Variants in TRABD observed in about 807,000 individuals in gnomAD.
TRABD encodes the protein traB domain-containing protein.
In TRABD, 23 loss-of-function variants were observed where a neutral mutation model predicts 39.6. The ratio of observed to expected loss-of-function variants is 0.58; its 90% CI spans 0.42 to 0.82. The LOEUF (loss-of-function observed/expected upper bound fraction) is 0.82, where lower values mean the gene tolerates loss of function less well. Among genes scored for constraint, TRABD ranks in the 40% least tolerant of loss-of-function variants. TRABD has a pLI of 0.00. For missense variants in TRABD, 487 were observed against 544.9 expected (o/e 0.89, Z 1.06); for synonymous variants, 243 against 232.1 (o/e 1.05, Z -0.43).
Position 50,198,559 on chromosome 22 carries a change from T to C in TRABD, c.*40T>C. 5 of 1,467,694 alleles carry C rather than the reference T, an allele frequency of 3.4e-6. No individual in the cohort carries two copies. The highest frequency in any genetic ancestry group is 4.5e-6 in the Non-Finnish European group (5 of 1,113,086). 90.9% of individuals were successfully genotyped at this position (1,467,694 alleles called of 1,614,324 possible). Reference sequence around the variant, plus strand: ...CCCGCTCGGGCCCCTGAGGAGCCAGTGCCCCCGCGGCACTTCTGGGTGCCA... The same window carrying C: ...CCCGCTCGGGCCCCTGAGGAGCCAGCGCCCCCGCGGCACTTCTGGGTGCCA... On this transcript the variant is annotated 3_prime_UTR_variant, in exon 10 of 10. Coordinates refer to ENST00000380909, the MANE Select transcript of TRABD (RefSeq NM_001320485.2). The surrounding 1 kb of genome is among the most constrained non-coding windows in gnomAD (Gnocchi z 7.9).
intron 1 of TRABD, among the ~76,000 whole-genome samples, chr22:50,191,027 G>T (rs944643869): frequency 6.6e-6 from 1 of 152,222 alleles, no homozygotes; most frequent in Non-Finnish European, 1.5e-5. Flanking sequence ...CCTGTGGAGC[G>T]GGCCCCCCTT....
In TRABD at chr22:50,198,928, G is replaced by A. The variant is rs1230598142; in HGVS notation, c.*409G>A. 9 of 588,680 alleles carry A rather than the reference G, an allele frequency of 1.5e-5. No homozygotes were observed. The highest frequency in any genetic ancestry group is 6.1e-5 in the South Asian group (3 of 49,212). The allele number at this position is 588,680 out of a possible 1,614,324, so 36.5% of individuals were successfully genotyped here. On this transcript the variant is annotated 3_prime_UTR_variant, in exon 10 of 10. Transcript: ENST00000380909. This position sits in a 1 kb window ranked among gnomAD's most constrained non-coding sequence, Gnocchi z 7.9. ...GCCACAGGAGCGTCGGCCCAGGGGC[G>A]GCTCCTGGGGGCTCCAGGGCAGGCG...
At chr22:50,195,811 G>A (rs1000732757) in intron 5 of TRABD, among the ~76,000 whole-genome samples, 2 of 151,922 alleles carry the variant, frequency 1.3e-5, no homozygotes, top group African/African-American at 4.8e-5. Flanking sequence ...CCCCAGCCCT[G>A]GTCAGTTTGC....
At chr22:50,194,795 G>C in intron 4 of TRABD, 105 bp from the exon 5 acceptor site, 1 of 1,504,970 alleles carries the variant, frequency 6.6e-7, no homozygotes, top group Non-Finnish European at 8.9e-7. Context: ...CTGGGGTGAC[G>C]CCAAGGCTGG....
chr22:50,193,767 C>T (rs2063993135), intron 3 of TRABD, 113 bp downstream of exon 3: 1 of 1,064,784 alleles, frequency 9.4e-7, no homozygotes, highest in African/African-American at 1.6e-5. Context: ...TGAGCAGGGG[C>T]CCTGGCCGAG....
intron 5 of TRABD, among the ~76,000 whole-genome samples, chr22:50,196,578 C>G (rs2064115973): frequency 6.6e-6 from 1 of 152,228 alleles, no homozygotes; most frequent in Non-Finnish European, 1.5e-5. Flanking sequence ...CAGTGCTGTG[C>G]TGACCTCAGC....
rs137944013 is a variant in TRABD at position 50,188,545 on chromosome 22, C to T, written c.-35+2569C>T. Among the ~76,000 whole-genome samples the T allele has an allele frequency of 2.0e-4, 30 of 152,328 alleles. No individual in the cohort carries two copies. In the East Asian group the frequency reaches 5.0e-3, roughly 25 times the overall value. On this transcript the variant is annotated intron_variant, in intron 1 of 9. Transcript: ENST00000380909. ...GCTTGTAGACGGGCCCCCGCGGCGT[C>T]CTTACCCGGGGGAGCAAGAGCTGCG... is the stretch of plus-strand genomic sequence containing the variant.
At chr22:50,196,036 G>C (rs1364281593) in intron 5 of TRABD, among the ~76,000 whole-genome samples, 1 of 152,200 alleles carries the variant, frequency 6.6e-6, no homozygotes, top group Non-Finnish European at 1.5e-5. Context: ...GATCTCGAAG[G>C]GGCATAGAAT....
intron 1 of TRABD, among the ~76,000 whole-genome samples, chr22:50,186,539 G>T (rs1218711765): frequency 1.3e-5 from 2 of 152,136 alleles, no homozygotes; most frequent in Non-Finnish European, 2.9e-5. Context: ...GTCCTCGCGG[G>T]TCGGGAGGGC....
In TRABD at chr22:50,199,341, C is replaced by T. The variant is rs945631798; in HGVS notation, c.*822C>T. ...ACAATGTGTGCACCTATGTGGAAGG[C>T]CAAGGACATGGGCTGTGGCCAGGCC... On this transcript the variant is annotated 3_prime_UTR_variant, in exon 10 of 10. Coordinates refer to ENST00000380909, the MANE Select transcript of TRABD (RefSeq NM_001320485.2). 15 of 527,184 alleles carry T rather than the reference C, an allele frequency of 2.8e-5. No homozygotes were observed. The highest frequency in any genetic ancestry group is 2.5e-4 in the African/African-American group (13 of 51,660). The allele number at this position is 527,184 out of a possible 1,614,324, so 32.7% of individuals were successfully genotyped here. A position where few individuals can be genotyped will look rare whatever the true frequency, so the allele number is the denominator to read the frequency against.
In TRABD at chr22:50,194,476, C is replaced by G. The variant is rs760590337; in HGVS notation, c.249C>G (p.Phe83Leu). ...SRVYVVGTAH[F>L]SDDSKRDVVK... ...TGTACGTGGTGGGGACAGCCCACTT[C>G]AGCGACGACAGCAAGAGGGACGTTG... The change falls in exon 4 of 10, where the codon TTC (phenylalanine) becomes TTG (leucine). Residue 83 changes from phenylalanine to leucine, a missense_variant. Physicochemically the swap from Phe to Leu is conservative, Grantham distance 22. This residue lies in a region of TRABD where 358 missense variants were observed against 414.7 expected (regional missense o/e 0.86). Coordinates refer to ENST00000380909, the MANE Select transcript of TRABD (RefSeq NM_001320485.2). 6.3e-7 allele frequency: 1 copy of G among 1,597,848 alleles called. No homozygotes were observed. The highest frequency in any genetic ancestry group is 2.3e-5 in the East Asian group (1 of 43,894).
chr22:50,197,787 C>A, intron 7 of TRABD, 36 bp from the exon 8 acceptor site: 1 of 1,337,748 alleles, frequency 7.5e-7, no homozygotes, highest in Non-Finnish European at 1.0e-6. Flanking sequence ...AGCCCGTTGC[C>A]CATCCCTGCG....
At chr22:50,195,524 G>A (rs2064070941) in intron 5 of TRABD, among the ~76,000 whole-genome samples, 2 of 151,684 alleles carry the variant, frequency 1.3e-5, no homozygotes, top group South Asian at 4.1e-4. Flanking sequence ...GTGCAGTGGT[G>A]CGATCTTGGC....
At chr22:50,194,267 C>A in intron 3 of TRABD, 73 bp from the exon 4 acceptor site, 2 of 1,557,330 alleles carry the variant, frequency 1.3e-6, no homozygotes. Context: ...GTTCTAGAGC[C>A]CAGGCTGCCA....
At chr22:50,193,460 G>C in intron 2 of TRABD, 116 bp from the exon 3 acceptor site, 1 of 989,218 alleles carries the variant, frequency 1.0e-6, no homozygotes, top group Non-Finnish European at 1.6e-6. Flanking sequence ...CAGGGTGTGT[G>C]GTCCACACAG....
chr22:50,197,469 C>A lies in TRABD; in HGVS notation c.552C>A (p.Cys184Ter), dbSNP rs1395945554. 6.2e-7 allele frequency: 1 copy of A among 1,613,850 alleles called. No individual in the cohort carries two copies. The highest frequency in any genetic ancestry group is 2.2e-5 in the East Asian group (1 of 44,872). ...TCCAGGCCAGCAAGGTGCCTTTCTG[C>A]AAGTTCCACCTGGGTGACCGACCCA... Reference protein sequence around the residue: ...AFKEASKVPFCKFHLGDRPIP... With the variant: ...AFKEASKVPF Residue 184 changes from cysteine to a stop codon, truncating the protein, a stop_gained, in exon 7 of 10, where the codon TGC (cysteine) becomes TGA (stop). Transcript: ENST00000380909. LOFTEE classifies it high-confidence loss of function.
chr22:50,199,010 CCTG>C lies in TRABD; in HGVS notation c.*492_*494del. ...GCCGACCCCACCGTGCCCCTGGCAT[CCTG>C]GCCCTGGCCGCCACCTCCCTGGCAC... On this transcript the variant is annotated 3_prime_UTR_variant, in exon 10 of 10. Transcript: ENST00000380909. 1.5e-6 allele frequency: 1 copy of C among 669,212 alleles called. No homozygotes were observed. The highest frequency in any genetic ancestry group is 1.6e-5 in the South Asian group (1 of 61,700). The allele number at this position is 669,212 out of a possible 1,614,324, so 41.5% of individuals were successfully genotyped here. A position where few individuals can be genotyped will look rare whatever the true frequency, so the allele number is the denominator to read the frequency against.
Position 50,188,860 on chromosome 22 carries a change from C to T in TRABD, c.-35+2884C>T, listed in dbSNP as rs139847203. On this transcript the variant is annotated intron_variant, in intron 1 of 9. Transcript: ENST00000380909. ...CTCTGACGCCAAAGGACTGTAGATG[C>T]CGCTCTGATTTTGTGTCCTAGGGCC... is the stretch of plus-strand genomic sequence containing the variant. Among the ~76,000 whole-genome samples, 9 of 152,346 alleles carry T rather than the reference C, an allele frequency of 5.9e-5. No homozygotes were observed. The East Asian group carries it at 1.7e-3, about 29-fold the overall frequency.
chr22:50,193,138 G>T (rs572497711), intron 2 of TRABD, 45 bp downstream of exon 2: 4 of 1,512,098 alleles, frequency 2.6e-6, no homozygotes, highest in Non-Finnish European at 3.5e-6. Flanking sequence ...GGGGCGGGGG[G>T]CTTCCCCGCT....
Sources: allele counts gnomAD v4.1 joint callset (sites outside exome capture counted in the v4.1 genomes callset), GRCh38; gene constraint gnomAD v4.1.1; regional missense constraint gnomAD v4.1.1; non-coding constraint Gnocchi (gnomAD v3.1); transcripts MANE v1.5; gene names NCBI Gene and HGNC (gene_info 2026-07-23, HGNC 2026-07-21).